PLEKHA8: variants seen among roughly 807,000 people sequenced by gnomAD.
The protein encoded by PLEKHA8 is pleckstrin homology domain containing A8, also known as pleckstrin homology domain-containing family A member 8.
Under a neutral mutation model 68.2 loss-of-function variants are expected in PLEKHA8, and 36 were observed. The observed-to-expected ratio is 0.53, with a 90% confidence interval of 0.40 to 0.70. The LOEUF (loss-of-function observed/expected upper bound fraction) is 0.70, where lower values mean the gene tolerates loss of function less well. Ranked by LOEUF, PLEKHA8 falls within the 30% of genes least tolerant of loss-of-function variation. The probability of loss-of-function intolerance (pLI) is 0.00; values close to 1 mark genes in which losing one functional copy is unlikely to be tolerated. For synonymous variants in PLEKHA8, 211 were observed against 216.1 expected, an observed-to-expected ratio of 0.98 and a Z score of 0.20; for missense variants, 505 against 615.4, an observed-to-expected ratio of 0.82 and a Z score of 1.90.
intron 13 of PLEKHA8, among the ~76,000 whole-genome samples, chr7:30,120,502 T>C (rs993963189): frequency 3.9e-5 from 6 of 152,258 alleles, no homozygotes; most frequent in African/African-American, 1.2e-4. Flanking sequence ...AACTCTGCGA[T>C]TGGTGCAAGT....
intron 13 of PLEKHA8, among the ~76,000 whole-genome samples, chr7:30,124,318 T>C (rs1796739256): frequency 6.6e-6 from 1 of 152,202 alleles, no homozygotes; most frequent in South Asian, 2.1e-4. Flanking sequence ...AAGATAGCAA[T>C]GATGAAAGCA....
chr7:30,036,486 A>G (rs1360412332), intron 1 of PLEKHA8, among the ~76,000 whole-genome samples: 1 of 152,150 alleles, frequency 6.6e-6, no homozygotes, highest in African/African-American at 2.4e-5. Context: ...AATAATGCCC[A>G]GAGGAATTAA....
chr7:30,118,617 G>A (rs1265140830), intron 13 of PLEKHA8, among the ~76,000 whole-genome samples: 2 of 150,110 alleles, frequency 1.3e-5, no homozygotes, highest in African/African-American at 2.5e-5. Context: ...TTGCTCTGTC[G>A]CCCAGGCTGG....
At chr7:30,065,540 T>C (rs1229364887) in intron 12 of PLEKHA8, among the ~76,000 whole-genome samples, 1 of 152,000 alleles carries the variant, frequency 6.6e-6, no homozygotes, top group African/African-American at 2.4e-5. Context: ...TCTGGGATAA[T>C]GGTTCCTTTT....
At chr7:30,097,256 A>G (rs961490851) in intron 13 of PLEKHA8, among the ~76,000 whole-genome samples, 1 of 152,142 alleles carries the variant, frequency 6.6e-6, no homozygotes, top group Non-Finnish European at 1.5e-5. Flanking sequence ...GGCTGCCCTT[A>G]ACATTTTTTC....
At chr7:30,091,588 C>A (rs1795418827), downstream of PLEKHA8, among the ~76,000 whole-genome samples, 1 of 152,018 alleles carries the variant, frequency 6.6e-6, no homozygotes, top group Admixed American at 6.6e-5. Context: ...TTGGGACATT[C>A]TTTTGGGGCT....
At chr7:30,095,056 G>C (rs1270795938), downstream of PLEKHA8, among the ~76,000 whole-genome samples, 2 of 152,178 alleles carry the variant, frequency 1.3e-5, no homozygotes, top group Non-Finnish European at 2.9e-5. Context: ...TGGGATGGCT[G>C]GGTCAAATGG....
chr7:30,129,391 AAGC>A, exon 14 of PLEKHA8: 1 of 1,564,494 alleles, frequency 6.4e-7, no homozygotes. Flanking sequence ...GATGATAAAG[AAGC>A]AGCCAATTCC....
Position 30,081,327 on chromosome 7 carries a change from A to G in PLEKHA8, c.*2540A>G. 1.0e-6 allele frequency: 1 copy of G among 984,838 alleles called. No individual in the cohort carries two copies. The allele number at this position is 984,838 out of a possible 1,614,324, so 61.0% of individuals were successfully genotyped here. A position where few individuals can be genotyped will look rare whatever the true frequency, so the allele number is the denominator to read the frequency against. On this transcript the variant is annotated 3_prime_UTR_variant, in exon 14 of 14. Coordinates refer to ENST00000449726, the MANE Select transcript of PLEKHA8 (RefSeq NM_001197026.2). ...TATAAAAGTTTGTTTAAGATGTGTA[A>G]AAGTTTGCTTAAGGAACTGAGGATC...
intron 13 of PLEKHA8, among the ~76,000 whole-genome samples, chr7:30,107,558 AT>A (rs948253591): frequency 1.3e-5 from 2 of 152,118 alleles, no homozygotes; most frequent in African/African-American, 4.8e-5. Context: ...CTTGTCTTAT[AT>A]AAGCAAAAAG....
chr7:30,036,263 C>T (rs1246252088), intron 1 of PLEKHA8, among the ~76,000 whole-genome samples: 1 of 151,820 alleles, frequency 6.6e-6, no homozygotes, highest in Admixed American at 6.6e-5. Flanking sequence ...CAGAACGAGA[C>T]TCTGTTGCAA....
At chr7:30,029,328 C>G (rs1021024684) in intron 1 of PLEKHA8, among the ~76,000 whole-genome samples, 10 of 152,206 alleles carry the variant, frequency 6.6e-5, no homozygotes, top group Non-Finnish European at 1.3e-4. Flanking sequence ...AGTCCCAACT[C>G]CACAGTTTCA....
chr7:30,077,841 C>A (rs560131631), intron 13 of PLEKHA8, among the ~76,000 whole-genome samples: 3 of 152,154 alleles, frequency 2.0e-5, no homozygotes, highest in South Asian at 2.1e-4. Flanking sequence ...GAAATATTGG[C>A]CCGCAAAGGA....
At chr7:30,111,187 G>A (rs1438875221) in intron 13 of PLEKHA8, among the ~76,000 whole-genome samples, 2 of 152,084 alleles carry the variant, frequency 1.3e-5, no homozygotes, top group East Asian at 3.9e-4. Context: ...ACACGCATGA[G>A]CCATCACACC....
Position 30,052,726 on chromosome 7 carries a change from C to T in PLEKHA8, c.656C>T (p.Thr219Ile), listed in dbSNP as rs779763005. ...NSLERQMELSTCENGSLNMEI... is the reference protein window; with the variant it reads ...NSLERQMELSICENGSLNMEI... ...ATTTGCAGGCAAATGGAGTTGAGCA[C>T]TTGTGAAAATGGATCTTTAAATATG... The change falls in exon 7 of 14, where the codon ACT (threonine) becomes ATT (isoleucine). Residue 219 changes from threonine to isoleucine, a missense_variant. By Grantham distance (89) the Thr-to-Ile change is moderately conservative. Transcript: ENST00000449726. 7 of 1,545,488 alleles carry T rather than the reference C, an allele frequency of 4.5e-6. No homozygotes were observed. Among genetic ancestry groups the T allele is most frequent in the Non-Finnish European group, 8.7e-7 (1 of 1,154,958 alleles).
chr7:30,085,019 G>A (rs980968768), downstream of PLEKHA8, among the ~76,000 whole-genome samples: 7 of 150,334 alleles, frequency 4.7e-5, no homozygotes, highest in African/African-American at 7.4e-5. Context: ...ATCTCAGCTC[G>A]CTGTGACCTC....
intron 13 of PLEKHA8, among the ~76,000 whole-genome samples, chr7:30,123,030 C>CG: frequency 6.6e-6 from 1 of 152,222 alleles, no homozygotes; most frequent in African/African-American, 2.4e-5. Context: ...ACTTTCCCCC[C>CG]CCTAAGCTAG....
chr7:30,074,923 G>C (rs945598678), intron 13 of PLEKHA8: 1 of 152,144 alleles, frequency 6.6e-6, no homozygotes, highest in African/African-American at 2.4e-5. Flanking sequence ...AATAGCAGGA[G>C]TAGATGGCTC....
At chr7:30,098,911 C>T (rs552368128) in intron 13 of PLEKHA8, among the ~76,000 whole-genome samples, 74 of 152,356 alleles carry the variant, frequency 4.9e-4, no homozygotes, top group African/African-American at 1.7e-3. Context: ...GCGTCGCTCA[C>T]GCTGGGAGCT....
Sources: gnomAD v4.1 joint callset for allele counts (sites outside exome capture counted in the v4.1 genomes callset) on GRCh38, gnomAD v4.1.1 for gene constraint, MANE v1.5 for transcripts, NCBI Gene and HGNC (gene_info 2026-07-23, HGNC 2026-07-21) for gene names.